Variants in EML6 observed in about 807,000 individuals in gnomAD.
EML6 encodes echinoderm microtubule-associated protein-like 6.
EML6 carries 154 observed loss-of-function variants against 240.1 expected under a neutral mutation model. The observed-to-expected ratio is 0.64, with a 90% CI of 0.56 to 0.73. EML6 has a LOEUF of 0.73. Among genes scored for constraint, EML6 ranks in the 30% least tolerant of loss-of-function variants. The probability of loss-of-function intolerance (pLI) is 0.00; values close to 1 mark genes in which losing one functional copy is unlikely to be tolerated. For missense variants in EML6, 2,964 were observed against 2,474.6 expected, an observed-to-expected ratio of 1.20 and a Z score of -4.20; for synonymous variants, 1,148 against 899.0, an observed-to-expected ratio of 1.28 and a Z score of -4.95.
chr2:54,730,371 A>G (rs1683100211), intron 2 of EML6, among the ~76,000 whole-genome samples: 1 of 152,210 alleles, frequency 6.6e-6, no homozygotes, highest in Admixed American at 6.5e-5. Flanking sequence ...AGTTCACATG[A>G]AGGCCTAGAG....
intron 5 of EML6, among the ~76,000 whole-genome samples, 192 bp downstream of exon 5, chr2:54,820,654 TA>T (rs770411648): frequency 6.6e-6 from 1 of 152,160 alleles, no homozygotes; most frequent in Non-Finnish European, 1.5e-5. Context: ...AAATGCAAAG[TA>T]ATGACAATCA....
chr2:54,747,831 C>A (rs188022109), intron 2 of EML6, among the ~76,000 whole-genome samples: 6 of 152,106 alleles, frequency 3.9e-5, no homozygotes, highest in Admixed American at 6.5e-5. Flanking sequence ...TTAAACAGTT[C>A]TTGTTTCTAC....
Position 54,964,175 on chromosome 2 carries a change from T to A in EML6, c.5330+17T>A. On this transcript the variant is annotated intron_variant, in intron 37 of 41. Coordinates refer to ENST00000356458, the MANE Select transcript of EML6 (RefSeq NM_001039753.4). ...AGATATCAGGTACCTAAGTGGGTGG[T>A]CTGGGCATGGAGGAGAAAGGCAAGC... 6.5e-7 allele frequency: 1 copy of A among 1,550,026 alleles called. No homozygotes were observed. Among genetic ancestry groups the A allele is most frequent in the Non-Finnish European group, 8.7e-7 (1 of 1,146,120 alleles).
In EML6 at chr2:54,725,541, T is replaced by G. The variant is rs942465665; in HGVS notation, c.197+283T>G. Among the ~76,000 whole-genome samples the G allele has an allele frequency of 6.6e-6, 1 of 152,220 alleles. No homozygotes were observed. The highest frequency in any genetic ancestry group is 1.5e-5 in the Non-Finnish European group (1 of 68,048). On this transcript the variant is annotated intron_variant, in intron 2 of 41. Transcript: ENST00000356458. This position sits in a 1 kb window ranked among gnomAD's most constrained non-coding sequence, Gnocchi z 4.3. ...CTGATGCTTTCTTGCTGTTCTTTCC[T>G]GCTACAAGTGGAAGGAGCCTGGGTA...
At chr2:54,912,183 T>C (rs375435334) in intron 25 of EML6, among the ~76,000 whole-genome samples, 2 of 152,178 alleles carry the variant, frequency 1.3e-5, no homozygotes, top group African/African-American at 2.4e-5. Context: ...ACTTAAAAAA[T>C]ATACATCGTT....
chr2:54,811,797 A>T (rs1285557249), intron 2 of EML6, among the ~76,000 whole-genome samples: 2 of 152,174 alleles, frequency 1.3e-5, no homozygotes. Context: ...GTCTCAACAA[A>T]ATTGAGATTG....
rs1007311832 is a variant in EML6 at position 54,769,348 on chromosome 2, G to A, written c.198-43884G>A. On this transcript the variant is annotated intron_variant, in intron 2 of 41. Transcript: ENST00000356458. Reference sequence around the variant, plus strand: ...GAGTGCTACAGGGACAAGCCCTAGAGAAGCAGATTTTAATACCATGCACCT... The same window carrying A: ...GAGTGCTACAGGGACAAGCCCTAGAAAAGCAGATTTTAATACCATGCACCT... 3.9e-5 allele frequency among the ~76,000 whole-genome samples: 6 copies of A among 152,196 alleles called. No individual in the cohort carries two copies. In the East Asian group the frequency reaches 9.6e-4, roughly 24 times the overall value.
intron 16 of EML6, among the ~76,000 whole-genome samples, chr2:54,873,265 A>G (rs1018671149): frequency 2.0e-5 from 3 of 152,192 alleles, no homozygotes; most frequent in African/African-American, 4.8e-5. Flanking sequence ...CTGCTGTATC[A>G]TTATTAGAAG....
intron 2 of EML6, chr2:54,747,143 T>C (rs1572851157): frequency 2.6e-5 from 4 of 152,370 alleles, no homozygotes; most frequent in Admixed American, 2.6e-4. Context: ...AGGAGATACA[T>C]AACATTTTGG....
At chr2:54,969,257 T>G (rs968451547) in intron 41 of EML6, among the ~76,000 whole-genome samples, 1 of 152,210 alleles carries the variant, frequency 6.6e-6, no homozygotes, top group Admixed American at 6.5e-5. Context: ...CTTCCCCATT[T>G]CTGATGAGCT....
At chr2:54,861,539 C>G (rs1476163894) in intron 12 of EML6, among the ~76,000 whole-genome samples, 1 of 152,130 alleles carries the variant, frequency 6.6e-6, no homozygotes, top group Non-Finnish European at 1.5e-5. Context: ...AACACATAGT[C>G]CACCCTCCAA....
intron 35 of EML6, 137 bp from the exon 36 acceptor site, chr2:54,962,386 C>G (rs985252704): frequency 3.0e-6 from 2 of 671,564 alleles, no homozygotes; most frequent in African/African-American, 1.9e-5. Flanking sequence ...AACACTGACT[C>G]CCCTGTCCAC....
At chr2:54,887,264 G>A (rs561104255) in intron 17 of EML6, among the ~76,000 whole-genome samples, 1 of 152,292 alleles carries the variant, frequency 6.6e-6, no homozygotes, top group South Asian at 2.1e-4. Context: ...GGCTAAATTG[G>A]TTACTTAGTT....
At chr2:54,949,285 AGAAAG>A (rs1182013818) in intron 29 of EML6, among the ~76,000 whole-genome samples, 4 of 152,296 alleles carry the variant, frequency 2.6e-5, no homozygotes, top group South Asian at 2.1e-4. Flanking sequence ...TCCATGGAGA[AGAAAG>A]GAAAGAGACA....
chr2:54,765,241 A>G (rs1159575586), intron 2 of EML6, among the ~76,000 whole-genome samples: 1 of 152,216 alleles, frequency 6.6e-6, no homozygotes, highest in Non-Finnish European at 1.5e-5. Flanking sequence ...GAAATTACTT[A>G]CAAGGGTATT....
intron 24 of EML6, among the ~76,000 whole-genome samples, chr2:54,906,342 C>T (rs1267891400): frequency 6.6e-6 from 1 of 152,022 alleles, no homozygotes; most frequent in African/African-American, 2.4e-5. Flanking sequence ...GAAGTAAGTC[C>T]CAGATAGAAA....
At chr2:54,915,685 C>T (rs1033320851) in intron 25 of EML6, among the ~76,000 whole-genome samples, 7 of 152,108 alleles carry the variant, frequency 4.6e-5, no homozygotes, top group Non-Finnish European at 8.8e-5. Context: ...GTGACTAAAA[C>T]TCCTGGCTGC....
chr2:54,731,246 T>C (rs1683153421), intron 2 of EML6, among the ~76,000 whole-genome samples: 1 of 152,216 alleles, frequency 6.6e-6, no homozygotes, highest in Non-Finnish European at 1.5e-5. Context: ...TAATGCCTCA[T>C]GGGTTTTGGT....
At chr2:54,952,487 C>T in intron 30 of EML6, 107 bp from the exon 31 acceptor site, 1 of 638,132 alleles carries the variant, frequency 1.6e-6, no homozygotes, top group Non-Finnish European at 2.7e-6. Context: ...GGGCTGTAAG[C>T]TCTCACTTTT....
Sources: gnomAD v4.1 joint callset for allele counts (sites outside exome capture counted in the v4.1 genomes callset) on GRCh38, gnomAD v4.1.1 for gene constraint, Gnocchi (gnomAD v3.1) non-coding constraint, MANE v1.5 for transcripts, NCBI Gene and HGNC (gene_info 2026-07-23, HGNC 2026-07-21) for gene names.